The following SNX29 variants were observed in gnomAD, a reference collection of about 807,000 sequenced individuals.
The protein encoded by SNX29 is sorting nexin-29.
SNX29 carries 78 observed loss-of-function variants against 102.1 expected under a neutral mutation model. The observed-to-expected ratio is 0.76, with a 90% confidence interval of 0.64 to 0.92. The LOEUF (loss-of-function observed/expected upper bound fraction) is 0.92. Ranked by LOEUF, SNX29 falls within the 40% of genes least tolerant of loss-of-function variation. The pLI is 0.00. For missense variants in SNX29, 1,280 were observed against 1,061.7 expected (o/e 1.21, Z -2.86); for synonymous variants, 580 against 414.5 (o/e 1.40, Z -4.85).
At chr16:12,566,261 G>A (rs998800338) in intron 20 of SNX29, among the ~76,000 whole-genome samples, 2 of 152,216 alleles carry the variant, frequency 1.3e-5, no homozygotes, top group Admixed American at 6.5e-5. Flanking sequence ...CCAAGGGTCA[G>A]ACAGCACTGC....
intron 3 of SNX29, among the ~76,000 whole-genome samples, chr16:12,009,481 A>G (rs201600757): frequency 0.012 from 1,308 of 105,844 alleles, 12 homozygotes; most frequent in Middle Eastern, 0.038. Flanking sequence ...GTGTGTGTGT[A>G]TATATATATA....
At chr16:12,520,821 T>C (rs2090070110) in intron 19 of SNX29, among the ~76,000 whole-genome samples, 1 of 150,836 alleles carries the variant, frequency 6.6e-6, no homozygotes, top group South Asian at 2.1e-4. Context: ...GGGAGGGAGG[T>C]GAGGGATAAA....
chr16:12,480,771 C>T (rs546372568), intron 19 of SNX29, among the ~76,000 whole-genome samples: 1 of 152,176 alleles, frequency 6.6e-6, no homozygotes, highest in Non-Finnish European at 1.5e-5. Flanking sequence ...TGAGGCTGAG[C>T]TCTGAGGAGT....
chr16:11,979,776 G>A (rs2055375917), intron 1 of SNX29, among the ~76,000 whole-genome samples: 1 of 151,916 alleles, frequency 6.6e-6, no homozygotes, highest in African/African-American at 2.4e-5. Context: ...TAGAGATGGA[G>A]TTTCGCTGTG....
chr16:12,228,414 C>T (rs751845263), intron 14 of SNX29, among the ~76,000 whole-genome samples: 2 of 152,246 alleles, frequency 1.3e-5, no homozygotes, highest in South Asian at 2.1e-4. Flanking sequence ...GGTTCAGCTG[C>T]TTTACCTTGC....
At chr16:12,128,124 A>G (rs1363028774) in intron 12 of SNX29, among the ~76,000 whole-genome samples, 1 of 152,228 alleles carries the variant, frequency 6.6e-6, no homozygotes, top group Non-Finnish European at 1.5e-5. Flanking sequence ...GATGTCTTCA[A>G]AAGGAATCTT....
At chr16:12,202,397 A>G (rs1435164042) in intron 14 of SNX29, among the ~76,000 whole-genome samples, 1 of 152,142 alleles carries the variant, frequency 6.6e-6, no homozygotes, top group Admixed American at 6.5e-5. Flanking sequence ...TTGCCTCTCA[A>G]GTGCTGTTTT....
intron 4 of SNX29, among the ~76,000 whole-genome samples, chr16:12,029,107 C>CTTTTTTTTTTTT (rs908613109): frequency 1.4e-5 from 2 of 144,118 alleles, no homozygotes; most frequent in Non-Finnish European, 3.0e-5. Flanking sequence ...CAGATGTTTG[C>CTTTTTTTTTTTT]TTTTTTTTTT....
intron 14 of SNX29, among the ~76,000 whole-genome samples, chr16:12,249,258 C>A (rs1288784365): frequency 6.6e-6 from 1 of 152,164 alleles, no homozygotes; most frequent in Non-Finnish European, 1.5e-5. Flanking sequence ...GTGTCTGGGT[C>A]CTTGGCTCTG....
chr16:12,566,385 G>T (rs1239557734), intron 20 of SNX29, among the ~76,000 whole-genome samples: 1 of 149,700 alleles, frequency 6.7e-6, no homozygotes, highest in Non-Finnish European at 1.5e-5. Flanking sequence ...CAAGGCACTG[G>T]CCTCTCCCAG....
Position 11,976,791 on chromosome 16 carries a change from C to A in SNX29, c.-16C>A. The A allele has an allele frequency of 7.3e-7, 1 of 1,374,072 alleles. No homozygotes were observed. Among genetic ancestry groups the A allele is most frequent in the South Asian group, 1.6e-5 (1 of 61,356 alleles). The allele number at this position is 1,374,072 out of a possible 1,614,324, so 85.1% of individuals were successfully genotyped here. ...GGCGGCGGCGCGGCGCAGGCACCGG[C>A]CCGGGGAGAGGCACCATGAGCGGTG... On this transcript the variant is annotated 5_prime_UTR_variant, in exon 1 of 21. Transcript: ENST00000566228.
At chr16:12,360,704 C>G in intron 16 of SNX29, among the ~76,000 whole-genome samples, 1 of 151,992 alleles carries the variant, frequency 6.6e-6, no homozygotes, top group African/African-American at 2.4e-5. Flanking sequence ...AGTTTGCTTC[C>G]CTAATTCCTG....
chr16:12,273,956 C>G (rs1484467974), intron 14 of SNX29, among the ~76,000 whole-genome samples: 1 of 152,200 alleles, frequency 6.6e-6, no homozygotes, highest in African/African-American at 2.4e-5. Context: ...CCCTGCATGG[C>G]TAGACCGCAT....
intron 13 of SNX29, among the ~76,000 whole-genome samples, chr16:12,183,190 G>A (rs955830076): frequency 2.6e-5 from 4 of 152,052 alleles, no homozygotes; most frequent in Non-Finnish European, 5.9e-5. Flanking sequence ...TTTTAGAGGT[G>A]GAGTCTCCCT....
intron 16 of SNX29, among the ~76,000 whole-genome samples, chr16:12,368,209 A>T (rs906690341): frequency 6.6e-6 from 1 of 152,176 alleles, no homozygotes; most frequent in Non-Finnish European, 1.5e-5. Flanking sequence ...CTAGGGTTTG[A>T]GTGGAGGAGT....
chr16:12,382,919 G>T (rs1326162219), intron 16 of SNX29, among the ~76,000 whole-genome samples: 3 of 152,022 alleles, frequency 2.0e-5, no homozygotes, highest in African/African-American at 7.2e-5. Flanking sequence ...GGATAATCTA[G>T]GATGTTCTCA....
chr16:12,363,468 C>G (rs1180904065), intron 16 of SNX29, among the ~76,000 whole-genome samples: 1 of 152,096 alleles, frequency 6.6e-6, no homozygotes, highest in Non-Finnish European at 1.5e-5. Context: ...GGTGGAAACC[C>G]AAATCTCCTC....
intron 13 of SNX29, among the ~76,000 whole-genome samples, chr16:12,188,719 A>G (rs1267137851): frequency 6.6e-6 from 1 of 152,152 alleles, no homozygotes; most frequent in East Asian, 1.9e-4. Flanking sequence ...GGGAGAGAGC[A>G]CTAAAAATCA....
intron 13 of SNX29, among the ~76,000 whole-genome samples, chr16:12,163,407 C>T (rs2055878445): frequency 6.6e-6 from 1 of 152,122 alleles, no homozygotes; most frequent in Non-Finnish European, 1.5e-5. Context: ...CTAGACTCTG[C>T]TACCCAGGGT....
Sources: gnomAD v4.1 joint callset for allele counts (sites outside exome capture counted in the v4.1 genomes callset) on GRCh38, gnomAD v4.1.1 for gene constraint, MANE v1.5 for transcripts, NCBI Gene and HGNC (gene_info 2026-07-23, HGNC 2026-07-21) for gene names.